The following ARMC2 variants were observed in gnomAD, a reference collection of about 807,000 sequenced individuals.
ARMC2 encodes armadillo repeat containing 2, also known as armadillo repeat-containing protein 2.
In ARMC2, 67 loss-of-function variants were observed where a neutral mutation model predicts 90.3. That is an observed-to-expected ratio of 0.74 (90% CI 0.61 to 0.91). The LOEUF (loss-of-function observed/expected upper bound fraction) is 0.91. Among genes scored for constraint, ARMC2 ranks in the 40% least tolerant of loss-of-function variants. ARMC2 has a pLI of 0.00. For synonymous variants in ARMC2, 393 were observed against 393.0 expected (o/e 1.00, Z 0.00); for missense variants, 920 against 1,030.9 (o/e 0.89, Z 1.47).
chr6:109,043,527 G>T, the ARMC2 span, among the ~76,000 whole-genome samples: 1 of 152,144 alleles, frequency 6.6e-6, no homozygotes, highest in African/African-American at 2.4e-5. Context: ...TGAGCAGGTT[G>T]CAGGATACAA....
rs374258759 is a variant in ARMC2, at chr6:108,867,402, G to A, written c.292-1422G>A. On this transcript the variant is annotated intron_variant, in intron 3 of 17. Coordinates refer to ENST00000392644, the MANE Select transcript of ARMC2 (RefSeq NM_032131.6). ...TAATGTTCCTCTACTAAGAGTATCAGCATCGACACTTAAGAAAAGATGGGG... is the reference window on the plus strand; with the variant it reads ...TAATGTTCCTCTACTAAGAGTATCAACATCGACACTTAAGAAAAGATGGGG... 9.2e-5 allele frequency among the ~76,000 whole-genome samples: 14 copies of A among 152,234 alleles called. 1 individual carries two copies. The East Asian group carries it at 2.3e-3, about 25-fold the overall frequency.
At chr6:109,011,322 T>A in the ARMC2 span, among the ~76,000 whole-genome samples, 1 of 152,210 alleles carries the variant, frequency 6.6e-6, no homozygotes, top group Non-Finnish European at 1.5e-5. Context: ...AAGCTCCAAT[T>A]AGGATTCCTT....
At chr6:108,969,008 A>T (rs757320187) in intron 17 of ARMC2, among the ~76,000 whole-genome samples, 4 of 152,166 alleles carry the variant, frequency 2.6e-5, no homozygotes, top group Non-Finnish European at 4.4e-5. Context: ...TGGTGTGCTG[A>T]GCACTCCAGA....
At chr6:108,863,556 C>A (rs115026507) in intron 3 of ARMC2, among the ~76,000 whole-genome samples, 2 of 152,160 alleles carry the variant, frequency 1.3e-5, no homozygotes, top group African/African-American at 4.8e-5. Context: ...GTTCAAATTT[C>A]GTTCACACAG....
chr6:108,876,802 G>A (rs1776984575), intron 5 of ARMC2, among the ~76,000 whole-genome samples: 2 of 152,164 alleles, frequency 1.3e-5, no homozygotes, highest in South Asian at 4.1e-4. Context: ...GCAAACTAAT[G>A]GCTAAAACAG....
At chr6:108,858,786 T>A (rs1016222082) in intron 3 of ARMC2, among the ~76,000 whole-genome samples, 1 of 152,210 alleles carries the variant, frequency 6.6e-6, no homozygotes, top group Non-Finnish European at 1.5e-5. Flanking sequence ...CCTCAGTGGC[T>A]TTCACTTTAA....
At chr6:108,984,537 A>G in the ARMC2 span, among the ~76,000 whole-genome samples, 1 of 152,150 alleles carries the variant, frequency 6.6e-6, no homozygotes, top group Non-Finnish European at 1.5e-5. Flanking sequence ...TACTTTTTTA[A>G]TATCACCACA....
chr6:109,028,501 G>A, the ARMC2 span, among the ~76,000 whole-genome samples: 1 of 152,062 alleles, frequency 6.6e-6, no homozygotes. Flanking sequence ...TGTCTGATGA[G>A]TTTCTACTAT....
At position 108,927,871 on chromosome 6, in the gene ARMC2, A is replaced by G. The variant is rs116355166; in HGVS notation, c.1351-217A>G. Among the ~76,000 whole-genome samples, 378 of 152,332 alleles carry G rather than the reference A, an allele frequency of 2.5e-3. 3 individuals are homozygous for G. The highest frequency in any genetic ancestry group is 8.8e-3 in the African/African-American group (364 of 41,588). On this transcript the variant is annotated intron_variant, in intron 10 of 17. Transcript: ENST00000392644. ...GTATACCAATTGCTTACTAAGATTA[A>G]TATTTCATTCTTTACCTTTCAACCA...
chr6:108,960,079 C>T (rs539654285), intron 13 of ARMC2, among the ~76,000 whole-genome samples: 4 of 152,212 alleles, frequency 2.6e-5, no homozygotes, highest in Non-Finnish European at 4.4e-5. Context: ...TACCCCTCCT[C>T]TCCTGGGGGT....
chr6:108,912,797 T>G (rs1773571794), intron 10 of ARMC2, among the ~76,000 whole-genome samples: 3 of 152,182 alleles, frequency 2.0e-5, no homozygotes, highest in Admixed American at 2.0e-4. Flanking sequence ...TTCACTGCCC[T>G]GCAGAGAAAG....
the ARMC2 span, among the ~76,000 whole-genome samples, chr6:108,991,149 A>G: frequency 3.3e-5 from 5 of 151,752 alleles, no homozygotes; most frequent in Non-Finnish European, 7.4e-5. Context: ...CTCTCCACTC[A>G]GCCCCCCAGA....
the ARMC2 span, among the ~76,000 whole-genome samples, chr6:109,031,541 G>A: frequency 6.6e-6 from 1 of 152,104 alleles, no homozygotes; most frequent in South Asian, 2.1e-4. Flanking sequence ...CCTAAAGTTA[G>A]AAGTCACTGC....
chr6:108,858,259 T>G lies in ARMC2; in HGVS notation c.279T>G (p.Ser93Arg), dbSNP rs763385882. Reference sequence around the variant, plus strand: ...GGCCTATCTCTGGCACACGTCTTAGTCCACTAGAGCTGGTGAGTACTTTGT... The same window carrying G: ...GGCCTATCTCTGGCACACGTCTTAGGCCACTAGAGCTGGTGAGTACTTTGT... Reference protein sequence around the residue: ...DSRPISGTRLSPLELKPKVPA... With the variant: ...DSRPISGTRLRPLELKPKVPA... The change falls in exon 3 of 18, where the codon AGT (serine) becomes AGG (arginine). Residue 93 changes from serine to arginine, a missense_variant. Ser to Arg is a moderately radical substitution (Grantham distance 110). Coordinates refer to ENST00000392644, the MANE Select transcript of ARMC2 (RefSeq NM_032131.6). 8.1e-6 allele frequency: 13 copies of G among 1,608,682 alleles called. No homozygotes were observed. The highest frequency in any genetic ancestry group is 5.0e-5 in the Admixed American group (3 of 59,822).
intron 6 of ARMC2, among the ~76,000 whole-genome samples, chr6:108,894,912 G>C (rs909359819): frequency 2.0e-5 from 3 of 150,506 alleles, no homozygotes; most frequent in African/African-American, 7.3e-5. Context: ...GACTACAGGC[G>C]CCCGCCACCA....
the ARMC2 span, among the ~76,000 whole-genome samples, chr6:109,038,970 GAAAAGA>G: frequency 6.8e-6 from 1 of 147,712 alleles, no homozygotes; most frequent in Non-Finnish European, 1.5e-5. Context: ...GGAGAAGAAG[GAAAAGA>G]AAAAGAAGAA....
chr6:108,880,256 AT>A (rs1404600821), intron 5 of ARMC2: 1 of 271,622 alleles, frequency 3.7e-6, no homozygotes, highest in Admixed American at 5.0e-5. Context: ...CTCAGTCCGT[AT>A]TTGGAGAAGG....
intron 12 of ARMC2, among the ~76,000 whole-genome samples, chr6:108,950,422 A>G (rs1777096815): frequency 6.6e-6 from 1 of 152,266 alleles, no homozygotes; most frequent in Non-Finnish European, 1.5e-5. Flanking sequence ...GTACATATAC[A>G]TCATGGAATA....
At chr6:109,006,825 G>T in the ARMC2 span, among the ~76,000 whole-genome samples, 1 of 152,164 alleles carries the variant, frequency 6.6e-6, no homozygotes. Context: ...TCAATGGGGT[G>T]ATCATAAGCC....
Sources: allele counts gnomAD v4.1 joint callset (sites outside exome capture counted in the v4.1 genomes callset), GRCh38; gene constraint gnomAD v4.1.1; transcripts MANE v1.5; gene names NCBI Gene and HGNC (gene_info 2026-07-23, HGNC 2026-07-21).